Variants in CYSLTR1 observed in about 807,000 individuals in gnomAD.
CYSLTR1 encodes the protein cysteinyl leukotriene receptor 1, also known as G-protein coupled receptor HG55.
CYSLTR1 carries 1 observed loss-of-function variant against 2.1 expected under a neutral mutation model. That is an observed-to-expected ratio of 0.48 (90% CI 0.17 to 2.28). CYSLTR1 has a LOEUF of 2.28. Among genes scored for constraint, CYSLTR1 ranks in the 30% most tolerant of loss-of-function variants. The pLI is 0.26. For missense variants in CYSLTR1, 299 were observed against 250.1 expected, an observed-to-expected ratio of 1.20 and a Z score of -1.32; for synonymous variants, 110 against 89.6, an observed-to-expected ratio of 1.23 and a Z score of -1.28.
chrX:78,319,555 A>C (rs1240189187), intron 1 of CYSLTR1: 6 of 110,389 alleles, frequency 5.4e-5, no homozygotes, highest in African/African-American at 2.0e-4. Flanking sequence ...TGCTATTGTG[A>C]ATAGTGCCAC....
chrX:78,288,080 G>A (rs1922145239), intron 1 of CYSLTR1, among the ~76,000 whole-genome samples: 3 of 110,739 alleles, frequency 2.7e-5, no homozygotes, highest in Non-Finnish European at 5.7e-5. Flanking sequence ...CATAGTGCCT[G>A]TAGTCCTGGC....
chrX:78,326,509 A>T (rs1379424844), intron 1 of CYSLTR1, among the ~76,000 whole-genome samples: 1 of 112,061 alleles, frequency 8.9e-6, no homozygotes, highest in South Asian at 3.7e-4. Flanking sequence ...CAGTAGGTGG[A>T]ACTTACAAAC....
At position 78,273,171 on chromosome X, in the gene CYSLTR1, C is replaced by T. The variant is rs1211775819; in HGVS notation, c.576G>A (p.Val192=). ...GGATGATAAAGCCAACAAACAATGA[C>T]ACATAATGCAAGACCAAAACATGAT... ...TKNHVLVLHY[V]SLFVGFIIPF... The change falls in exon 3 of 3, where the codon GTG becomes GTA. Residue 192 remains valine (V), a synonymous_variant. Transcript: ENST00000373304. The T allele has an allele frequency of 8.3e-7, 1 of 1,209,454 alleles. No individual in the cohort carries two copies. Among genetic ancestry groups the T allele is most frequent in the South Asian group, 1.8e-5 (1 of 56,790 alleles).
intron 1 of CYSLTR1, among the ~76,000 whole-genome samples, chrX:78,326,603 A>C (rs1313991470): frequency 8.9e-6 from 1 of 112,211 alleles, no homozygotes; most frequent in Non-Finnish European, 1.9e-5. Flanking sequence ...AAATGTATGA[A>C]TCTTTGGCTC....
At chrX:78,281,632 T>G (rs1485382926) in intron 2 of CYSLTR1, among the ~76,000 whole-genome samples, 1 of 111,475 alleles carries the variant, frequency 9.0e-6, no homozygotes, top group Non-Finnish European at 1.9e-5. Context: ...TGGTATTTCA[T>G]TGTGGTTTTG....
intron 1 of CYSLTR1, among the ~76,000 whole-genome samples, chrX:78,296,163 C>T (rs1199076392): frequency 1.8e-5 from 2 of 110,857 alleles, no homozygotes; most frequent in African/African-American, 6.6e-5. Flanking sequence ...GTGTCTTTTC[C>T]CCAGTGTATG....
In CYSLTR1 at chrX:78,301,399, T is replaced by C. The variant is rs1002747098; in HGVS notation, c.-114-17859A>G. ...TTTTAACAGCACCCAAGTAACTTCTTGAATGCTTTGCTGCTTAGAAATTTC... is the reference window on the plus strand; with the variant it reads ...TTTTAACAGCACCCAAGTAACTTCTCGAATGCTTTGCTGCTTAGAAATTTC... On this transcript the variant is annotated intron_variant, in intron 1 of 2. Transcript: ENST00000373304. 7.1e-5 allele frequency among the ~76,000 whole-genome samples: 8 copies of C among 112,306 alleles called. No homozygotes were observed. In the Admixed American group the frequency reaches 7.5e-4, roughly 11 times the overall value.
intron 1 of CYSLTR1, among the ~76,000 whole-genome samples, chrX:78,300,592 C>T (rs1922777308): frequency 8.9e-6 from 1 of 112,515 alleles, no homozygotes; most frequent in Non-Finnish European, 1.9e-5. Context: ...GATTACCAGA[C>T]AGAGACTTGT....
At chrX:78,326,380 A>G (rs1196638583) in intron 1 of CYSLTR1, among the ~76,000 whole-genome samples, 1 of 112,024 alleles carries the variant, frequency 8.9e-6, no homozygotes, top group African/African-American at 3.2e-5. Context: ...ACAGTGTACA[A>G]TCTAGTCCAG....
At position 78,272,519 on chromosome X, in the gene CYSLTR1, T is replaced by C; in HGVS notation, c.*214A>G. ...TCTGGTGAGTGGTCAAAATTATTTA[T>C]AATTCAGTTCATAGTTGTGGACCGA... On this transcript the variant is annotated 3_prime_UTR_variant, in exon 3 of 3. Transcript: ENST00000373304. The C allele has an allele frequency of 3.6e-6, 1 of 281,146 alleles. No individual in the cohort carries two copies. Among genetic ancestry groups the C allele is most frequent in the Non-Finnish European group, 6.2e-6 (1 of 160,586 alleles). The allele number at this position is 281,146 out of a possible 1,213,427, so 23.2% of individuals were successfully genotyped here.
intron 1 of CYSLTR1, among the ~76,000 whole-genome samples, chrX:78,300,346 A>T (rs756112886): frequency 7.1e-5 from 8 of 112,626 alleles, no homozygotes; most frequent in Non-Finnish European, 1.5e-4. Context: ...GATGGTCTTG[A>T]TACCTGTAGA....
At chrX:78,300,147 A>T (rs1922755419) in intron 1 of CYSLTR1, among the ~76,000 whole-genome samples, 1 of 112,104 alleles carries the variant, frequency 8.9e-6, no homozygotes, top group African/African-American at 3.2e-5. Context: ...ATTCTTTTAA[A>T]TTATTTTAAT....
intron 1 of CYSLTR1, chrX:78,319,064 T>G (rs1569552524): frequency 9.0e-6 from 1 of 111,047 alleles, no homozygotes; most frequent in Non-Finnish European, 1.9e-5. Context: ...CCCATGTGCA[T>G]GGTTCATTTA....
At chrX:78,319,625 T>C (rs1430006520) in intron 1 of CYSLTR1, 1 of 111,582 alleles carries the variant, frequency 9.0e-6, no homozygotes, top group Non-Finnish European at 1.9e-5. Context: ...TTTGGGTATA[T>C]ACCCAGTAAT....
At chrX:78,280,311 G>T (rs914389017) in intron 2 of CYSLTR1, among the ~76,000 whole-genome samples, 1 of 111,011 alleles carries the variant, frequency 9.0e-6, no homozygotes, top group African/African-American at 3.3e-5. Flanking sequence ...TTCTAAACTG[G>T]GCAATATTAT....
At chrX:78,310,275 G>A (rs889713089) in intron 1 of CYSLTR1, among the ~76,000 whole-genome samples, 1 of 111,644 alleles carries the variant, frequency 9.0e-6, no homozygotes, top group Non-Finnish European at 1.9e-5. Context: ...ATTATGCTAT[G>A]AATAGCTCCA....
chrX:78,293,288 G>A (rs146040564), intron 1 of CYSLTR1, among the ~76,000 whole-genome samples: 4,371 of 110,970 alleles, frequency 0.039, 139 homozygotes, highest in African/African-American at 0.11. Context: ...TTTTCTTTAA[G>A]AATGTTGAAT....
intron 1 of CYSLTR1, among the ~76,000 whole-genome samples, chrX:78,284,594 T>A (rs1921975864): frequency 9.2e-6 from 1 of 108,186 alleles, no homozygotes; most frequent in Non-Finnish European, 1.9e-5. Context: ...AGAGATGAGG[T>A]TTCACCATGT....
Position 78,285,233 on chromosome X carries a change from C to A in CYSLTR1, c.-114-1693G>T, listed in dbSNP as rs1449781861. 2.7e-5 allele frequency among the ~76,000 whole-genome samples: 3 copies of A among 109,123 alleles called. No homozygotes were observed. The East Asian group carries it at 8.6e-4, about 31-fold the overall frequency. The allele number at this position is 109,123 out of a possible 115,157, so 94.8% of individuals were successfully genotyped here. A position where few individuals can be genotyped will look rare whatever the true frequency, so the allele number is the denominator to read the frequency against. On this transcript the variant is annotated intron_variant, in intron 1 of 2. Coordinates refer to ENST00000373304, the MANE Select transcript of CYSLTR1 (RefSeq NM_006639.4). ...GGATCACGAGGTCAGGAGATAGGAA[C>A]CACGGTGAAACCCCGTCTCTACTGA...
Sources: allele counts gnomAD v4.1 joint callset (sites outside exome capture counted in the v4.1 genomes callset), GRCh38; gene constraint gnomAD v4.1.1; transcripts MANE v1.5; gene names NCBI Gene and HGNC (gene_info 2026-07-23, HGNC 2026-07-21).